The following SUN3 variants were observed in gnomAD, a reference collection of about 807,000 sequenced individuals.
The protein encoded by SUN3 is Sad1 and UNC84 domain containing 3, also known as SUN domain-containing protein 3.
Under a neutral mutation model 48.2 loss-of-function variants are expected in SUN3, and 36 were observed. That is an observed-to-expected ratio of 0.75 (90% CI 0.57 to 0.99). The LOEUF (loss-of-function observed/expected upper bound fraction) is 0.99. Ranked by LOEUF, SUN3 falls within the 50% of genes least tolerant of loss-of-function variation. The pLI is 0.00. For synonymous variants in SUN3, 148 were observed against 147.9 expected (o/e 1.00, Z 0.00); for missense variants, 419 against 433.1 (o/e 0.97, Z 0.29).
Position 47,996,025 on chromosome 7 carries a change from C to T in SUN3, c.693+6G>A. The T allele has an allele frequency of 7.0e-7, 1 of 1,437,080 alleles. No homozygotes were observed. Among genetic ancestry groups the T allele is most frequent in the Non-Finnish European group, 9.4e-7 (1 of 1,060,756 alleles). The allele number at this position is 1,437,080 out of a possible 1,614,324, so 89.0% of individuals were successfully genotyped here. ...TAGAAATAAGTGATTCTTAATTTAG[C>T]TTTACCTGAAGAATAATATCTGGAG... On this transcript the variant is annotated splice_donor_region_variant and intron_variant, in intron 7 of 9. Coordinates refer to ENST00000297325, the MANE Select transcript of SUN3 (RefSeq NM_001030019.2).
At chr7:48,031,832 GCACACACACACA>G (rs3073706), upstream of SUN3, among the ~76,000 whole-genome samples, 8 of 142,268 alleles carry the variant, frequency 5.6e-5, no homozygotes, top group Non-Finnish European at 9.1e-5. Flanking sequence ...TGTGATTTAT[GCACACACACACA>G]CACACACACA....
rs1286421253 is a variant in SUN3 at position 48,001,522 on chromosome 7, G to GTTTTTT, written c.577+4441_577+4446dup. ...TTTAGGTTGGTTCCATGTCTTTTCT[G>GTTTTTT]TTTTTTTTGTTTTTTTTTTTTTTTT... is the stretch of plus-strand genomic sequence containing the variant. On this transcript the variant is annotated intron_variant, in intron 6 of 9. Transcript: ENST00000297325. Among the ~76,000 whole-genome samples, 150 of 121,892 alleles carry GTTTTTT rather than the reference G, an allele frequency of 1.2e-3. 14 individuals carry two copies. Among genetic ancestry groups the GTTTTTT allele is most frequent in the Non-Finnish European group, 1.4e-3 (84 of 58,754 alleles). 80.0% of individuals were successfully genotyped at this position (121,892 alleles called of 152,430 possible). A position where few individuals can be genotyped will look rare whatever the true frequency, so the allele number is the denominator to read the frequency against.
At chr7:48,002,018 C>A (rs1372103662) in intron 6 of SUN3, among the ~76,000 whole-genome samples, 1 of 152,198 alleles carries the variant, frequency 6.6e-6, no homozygotes, top group Non-Finnish European at 1.5e-5. Context: ...ATAATTTACA[C>A]TGCCACCAAC....
Position 48,005,981 on chromosome 7 carries a change from G to T in SUN3, c.565C>A (p.Leu189Met). 3 of 1,611,160 alleles carry T rather than the reference G, an allele frequency of 1.9e-6. No individual in the cohort carries two copies. The highest frequency in any genetic ancestry group is 2.5e-6 in the Non-Finnish European group (3 of 1,178,638). The change falls in exon 6 of 10, where the codon CTG becomes ATG. Residue 189 changes from leucine to methionine, a missense_variant. Physicochemically the swap from Leu to Met is conservative, Grantham distance 15. Coordinates refer to ENST00000297325, the MANE Select transcript of SUN3 (RefSeq NM_001030019.2). ...TTTCTGTACTCACCGGCCGACTTCA[G>T]GGCATAATCAGCCATCTCGACTTGG... ...EDQVEMADYALKSAGASIIEA... is the reference protein window; with the variant it reads ...EDQVEMADYAMKSAGASIIEA...
intron 8 of SUN3, among the ~76,000 whole-genome samples, chr7:47,989,724 G>C (rs1788998980): frequency 6.6e-6 from 1 of 152,232 alleles, no homozygotes; most frequent in Admixed American, 6.5e-5. Flanking sequence ...TACGTAGAAA[G>C]AAGTAGGCAT....
intron 2 of SUN3, chr7:48,018,604 CA>C (rs1423336008): frequency 2.7e-5 from 4 of 148,322 alleles, no homozygotes; most frequent in African/African-American, 1.0e-4. Context: ...AGCCTGGCGA[CA>C]GAGTGAGATT....
At chr7:48,000,744 T>A (rs964790946) in intron 6 of SUN3, among the ~76,000 whole-genome samples, 2 of 150,264 alleles carry the variant, frequency 1.3e-5, no homozygotes, top group East Asian at 1.9e-4. Context: ...AGTTTTTTTT[T>A]AGCTTCTTTC....
chr7:48,032,748 G>T (rs1356078382), upstream of SUN3, among the ~76,000 whole-genome samples: 7 of 152,242 alleles, frequency 4.6e-5, no homozygotes, highest in South Asian at 2.1e-4. Flanking sequence ...AGAGGTGAAG[G>T]TTGGAGAGGG....
chr7:48,020,756 T>C (rs568435558), intron 2 of SUN3, among the ~76,000 whole-genome samples: 4 of 152,058 alleles, frequency 2.6e-5, no homozygotes, highest in African/African-American at 9.6e-5. Flanking sequence ...CAACGAAAAC[T>C]ATAAAACATT....
chr7:48,018,075 T>C (rs1165162388), intron 2 of SUN3, among the ~76,000 whole-genome samples: 1 of 152,198 alleles, frequency 6.6e-6, no homozygotes, highest in African/African-American at 2.4e-5. Flanking sequence ...GGACGCATGT[T>C]CATAAATGAC....
intron 6 of SUN3, among the ~76,000 whole-genome samples, chr7:48,000,898 T>C (rs1242942474): frequency 6.6e-6 from 1 of 151,164 alleles, no homozygotes; most frequent in Non-Finnish European, 1.5e-5. Context: ...GTTTGAGATG[T>C]TTTTAGCTAT....
chr7:47,996,906 A>G (rs2128771900), intron 6 of SUN3, among the ~76,000 whole-genome samples: 1 of 147,932 alleles, frequency 6.8e-6, no homozygotes, highest in South Asian at 2.1e-4. Flanking sequence ...GGTTCAAGTG[A>G]TTCTCCTGCC....
chr7:48,006,584 G>A (rs1006126986), intron 5 of SUN3, among the ~76,000 whole-genome samples: 9 of 152,166 alleles, frequency 5.9e-5, no homozygotes, highest in African/African-American at 2.2e-4. Flanking sequence ...AGCACCCTAA[G>A]CAGGCGTAAC....
At chr7:48,035,394 C>G in the SUN3 span, 1 of 620,740 alleles carries the variant, frequency 1.6e-6, no homozygotes, top group Non-Finnish European at 2.9e-6. This position sits in a 1 kb window ranked among gnomAD's most constrained non-coding sequence, Gnocchi z 4.0. Flanking sequence ...AGGCGGCGCC[C>G]GCGCTCCGCT....
At chr7:48,035,342 G>GCTGCC in the SUN3 span, among the ~76,000 whole-genome samples, 2 of 151,946 alleles carry the variant, frequency 1.3e-5, no homozygotes, top group African/African-American at 4.8e-5. The surrounding 1 kb of genome is among the most constrained non-coding windows in gnomAD (Gnocchi z 4.0). Context: ...GCATCGCTGC[G>GCTGCC]CTGCCCTGCC....
chr7:48,019,280 A>T (rs1469887407), intron 2 of SUN3, among the ~76,000 whole-genome samples: 1 of 152,084 alleles, frequency 6.6e-6, no homozygotes. Flanking sequence ...AATAAAACCT[A>T]TGGGATACAG....
chr7:48,016,747 T>C lies in SUN3; in HGVS notation c.288+515A>G, dbSNP rs1354157322. ...GGACCTCATAGCTATAAAACTATTG[T>C]CTTAGTCTGTTTTCTGTTGCTATAA... is the stretch of plus-strand genomic sequence containing the variant. On this transcript the variant is annotated intron_variant, in intron 3 of 9. Transcript: ENST00000297325. Among the ~76,000 whole-genome samples the C allele has an allele frequency of 2.0e-5, 3 of 152,218 alleles. No individual in the cohort carries two copies. The East Asian group carries it at 5.8e-4, about 29-fold the overall frequency.
chr7:48,005,782 A>T (rs999419818), intron 6 of SUN3, among the ~76,000 whole-genome samples, 187 bp downstream of exon 6: 1 of 151,152 alleles, frequency 6.6e-6, no homozygotes, highest in Non-Finnish European at 1.5e-5. Flanking sequence ...TCCCTGGAAC[A>T]TTTGCACTCA....
intron 2 of SUN3, among the ~76,000 whole-genome samples, chr7:48,020,093 T>C (rs1381819371): frequency 2.0e-5 from 3 of 151,742 alleles, no homozygotes; most frequent in African/African-American, 7.3e-5. Flanking sequence ...CATGATACAT[T>C]AGAAAGATCA....
Sources: gnomAD v4.1 joint callset for allele counts (sites outside exome capture counted in the v4.1 genomes callset) on GRCh38, gnomAD v4.1.1 for gene constraint, Gnocchi (gnomAD v3.1) non-coding constraint, MANE v1.5 for transcripts, NCBI Gene and HGNC (gene_info 2026-07-23, HGNC 2026-07-21) for gene names.